The following PAMR1 variants were observed in gnomAD, a reference collection of about 807,000 sequenced individuals.
PAMR1 encodes the protein peptidase domain containing associated with muscle regeneration 1.
PAMR1 carries 88 observed loss-of-function variants against 81.8 expected under a neutral mutation model. The observed-to-expected ratio is 1.08, with a 90% CI of 0.91 to 1.28. The LOEUF (loss-of-function observed/expected upper bound fraction) is 1.28, where lower values mean the gene tolerates loss of function less well. Among genes scored for constraint, PAMR1 ranks in the 50% most tolerant of loss-of-function variants. The probability of loss-of-function intolerance (pLI) is 0.00; values close to 1 mark genes in which losing one functional copy is unlikely to be tolerated. For missense variants in PAMR1, 935 were observed against 919.7 expected, an observed-to-expected ratio of 1.02 and a Z score of -0.21; for synonymous variants, 336 against 345.3, an observed-to-expected ratio of 0.97 and a Z score of 0.30.
chr11:35,514,911 G>A (rs1293261696), intron 1 of PAMR1, among the ~76,000 whole-genome samples: 3 of 152,154 alleles, frequency 2.0e-5, no homozygotes, highest in African/African-American at 4.8e-5. Context: ...AAGCTGAGGT[G>A]GGAGGATCAC....
rs143951734 is a variant in PAMR1, at chr11:35,432,474, C to T, written c.2045G>A (p.Arg682His). The change falls in exon 11 of 11, where the codon CGC (arginine) becomes CAC (histidine). Residue 682 changes from arginine to histidine, a missense_variant. Arg to His is a conservative substitution (Grantham distance 29). Transcript: ENST00000619888. ...SFPGRASPEP[R>H]WHLMGLVSWS... ...GCTGACCAGTCCCATCAGATGCCAG[C>T]GTGGCTCAGGAGATGCTCGTCCCGG... The T allele has an allele frequency of 8.7e-5, 140 of 1,614,220 alleles. No homozygotes were observed. The African/African-American group carries it at 1.4e-3, about 17-fold the overall frequency.
At chr11:35,475,818 T>C (rs1850274756) in intron 3 of PAMR1, among the ~76,000 whole-genome samples, 2 of 152,184 alleles carry the variant, frequency 1.3e-5, no homozygotes, top group South Asian at 2.1e-4. Context: ...TAAGTAATTA[T>C]AGCAAGAGAC....
At chr11:35,457,804 A>G (rs1028526981) in intron 6 of PAMR1, among the ~76,000 whole-genome samples, 2 of 152,216 alleles carry the variant, frequency 1.3e-5, no homozygotes, top group African/African-American at 4.8e-5. Flanking sequence ...CTGAGGCTGA[A>G]TGATGTTCAG....
At chr11:35,455,828 T>G (rs898338642) in intron 6 of PAMR1, among the ~76,000 whole-genome samples, 4 of 151,826 alleles carry the variant, frequency 2.6e-5, no homozygotes, top group African/African-American at 9.7e-5. Flanking sequence ...ATAGAAGAGA[T>G]GCCAGTTCAA....
chr11:35,454,341 GGGT>G (rs1856480779), intron 6 of PAMR1, among the ~76,000 whole-genome samples: 1 of 152,172 alleles, frequency 6.6e-6, no homozygotes, highest in Admixed American at 6.5e-5. Flanking sequence ...GCCCACCCCA[GGGT>G]TGCCTGTAGG....
intron 6 of PAMR1, among the ~76,000 whole-genome samples, chr11:35,457,719 G>A (rs1856565564): frequency 6.6e-6 from 1 of 152,120 alleles, no homozygotes; most frequent in African/African-American, 2.4e-5. Flanking sequence ...TGGAGTGAGG[G>A]AAATGAGATG....
chr11:35,455,873 C>T (rs1488625481), intron 6 of PAMR1, among the ~76,000 whole-genome samples: 1 of 151,116 alleles, frequency 6.6e-6, no homozygotes, highest in African/African-American at 2.4e-5. Context: ...CTTCTCAAGG[C>T]TCTCTCTAGC....
intron 4 of PAMR1, among the ~76,000 whole-genome samples, chr11:35,474,365 CG>C (rs1244990218): frequency 6.6e-5 from 10 of 152,168 alleles, no homozygotes; most frequent in Non-Finnish European, 8.8e-5. Flanking sequence ...TTAAGATTTG[CG>C]GATGGGTAGA....
At chr11:35,507,865 T>G (rs1850997681) in intron 1 of PAMR1, among the ~76,000 whole-genome samples, 2 of 152,074 alleles carry the variant, frequency 1.3e-5, no homozygotes, top group Non-Finnish European at 2.9e-5. Flanking sequence ...AAGCCCAGAT[T>G]TGCCTTGGCT....
chr11:35,495,969 T>C (rs1383008814), intron 1 of PAMR1, among the ~76,000 whole-genome samples: 1 of 152,220 alleles, frequency 6.6e-6, no homozygotes, highest in East Asian at 1.9e-4. Context: ...CTTACATTGG[T>C]GTTTGGGAAT....
At chr11:35,502,688 AT>A (rs999456405) in intron 1 of PAMR1, among the ~76,000 whole-genome samples, 12 of 151,886 alleles carry the variant, frequency 7.9e-5, no homozygotes, top group Admixed American at 2.6e-4. Context: ...TTTAAATCAG[AT>A]TTTTTTTGAT....
At chr11:35,526,729 A>C (rs951064460), upstream of PAMR1, among the ~76,000 whole-genome samples, 19 of 152,182 alleles carry the variant, frequency 1.2e-4, no homozygotes, top group Admixed American at 1.0e-3. Flanking sequence ...AGGATGCTAC[A>C]TATGCAGAAT....
At chr11:35,487,902 G>C (rs1455605416) in intron 3 of PAMR1, among the ~76,000 whole-genome samples, 1 of 152,176 alleles carries the variant, frequency 6.6e-6, no homozygotes, top group Non-Finnish European at 1.5e-5. Flanking sequence ...TTGTACAGAT[G>C]AAACAAGACA....
rs1279935811 is a variant in PAMR1, at chr11:35,441,516, C to T, written c.998G>A (p.Gly333Glu). The T allele has an allele frequency of 6.2e-7, 1 of 1,613,424 alleles. No homozygotes were observed. Among genetic ancestry groups the T allele is most frequent in the East Asian group, 2.2e-5 (1 of 44,884 alleles). The change falls in exon 7 of 11, where the codon GGA (glycine) becomes GAA (glutamate). Residue 333 changes from glycine (G) to glutamate (E), a missense_variant. Physicochemically the swap from Gly to Glu is moderately conservative, Grantham distance 98. Transcript: ENST00000619888. ...GATGGGCTGTTTCCCTGACCACTCT[C>T]CATTCTGCTGGCAAGTTCTTTTCTC... ...GNEKRTCQQN[G>E]EWSGKQPICI...
At chr11:35,521,920 T>TTTTTTG (rs1555045603) in intron 1 of PAMR1, among the ~76,000 whole-genome samples, 4 of 151,992 alleles carry the variant, frequency 2.6e-5, no homozygotes, top group African/African-American at 9.7e-5. Flanking sequence ...GTTTGGTTTT[T>TTTTTTG]TTTTGTTTTG....
intron 7 of PAMR1, 132 bp downstream of exon 7, chr11:35,441,349 A>G: frequency 1.4e-6 from 1 of 690,594 alleles, no homozygotes; most frequent in Non-Finnish European, 2.5e-6. Flanking sequence ...CCAACCTCAG[A>G]GATATATGGT....
intron 6 of PAMR1, among the ~76,000 whole-genome samples, chr11:35,459,505 G>A (rs979683089): frequency 6.6e-6 from 1 of 152,082 alleles, no homozygotes; most frequent in Non-Finnish European, 1.5e-5. Context: ...CTAAACTACT[G>A]GGGGAAATGT....
chr11:35,495,339 GA>G (rs57201561), intron 1 of PAMR1, among the ~76,000 whole-genome samples: 11,875 of 132,746 alleles, frequency 0.089, 1,014 homozygotes, highest in African/African-American at 0.23. Flanking sequence ...TTTCTCATAA[GA>G]AAAAAAAAAA....
At chr11:35,467,211 C>T (rs535960130) in intron 6 of PAMR1, among the ~76,000 whole-genome samples, 95 of 152,224 alleles carry the variant, frequency 6.2e-4, no homozygotes, top group African/African-American at 2.3e-3. Flanking sequence ...TGCCTGAAAT[C>T]GCACCCCTAC....
Sources: allele counts gnomAD v4.1 joint callset (sites outside exome capture counted in the v4.1 genomes callset), GRCh38; gene constraint gnomAD v4.1.1; transcripts MANE v1.5; gene names NCBI Gene and HGNC (gene_info 2026-07-23, HGNC 2026-07-21).